ZNF804B: variants seen among roughly 807,000 people sequenced by gnomAD.
ZNF804B encodes zinc finger 804B.
A neutral mutation model predicts 101.4 loss-of-function variants in ZNF804B; 80 were observed. The ratio of observed to expected loss-of-function variants is 0.79; its 90% CI spans 0.66 to 0.95. ZNF804B has a LOEUF of 0.95. ZNF804B is among the 40% of genes least tolerant of loss of function. ZNF804B has a pLI of 0.00. For missense variants in ZNF804B, 1,673 were observed against 1,561.9 expected, an observed-to-expected ratio of 1.07 and a Z score of -1.20; for synonymous variants, 622 against 558.8, an observed-to-expected ratio of 1.11 and a Z score of -1.59.
intron 1 of ZNF804B, among the ~76,000 whole-genome samples, chr7:88,813,127 T>C (rs949861754): frequency 1.8e-4 from 28 of 151,968 alleles, no homozygotes; most frequent in African/African-American, 6.8e-4. Flanking sequence ...TTCCCATAAA[T>C]CTTATATAGA....
At chr7:89,320,373 CA>C (rs1227719690) in intron 2 of ZNF804B, among the ~76,000 whole-genome samples, 2 of 151,504 alleles carry the variant, frequency 1.3e-5, no homozygotes, top group African/African-American at 4.8e-5. Context: ...AACATGGTAT[CA>C]AAGATAAAGA....
chr7:88,797,249 G>A (rs1454530105), intron 1 of ZNF804B, among the ~76,000 whole-genome samples: 1 of 151,882 alleles, frequency 6.6e-6, no homozygotes, highest in Non-Finnish European at 1.5e-5. Flanking sequence ...TATGCCTTAA[G>A]GGTTCTTGAT....
At chr7:89,041,129 G>A (rs1056267184) in intron 1 of ZNF804B, among the ~76,000 whole-genome samples, 3 of 152,088 alleles carry the variant, frequency 2.0e-5, no homozygotes, top group Admixed American at 6.5e-5. Context: ...CTGAAGCATG[G>A]GTCCATGAGG....
intron 1 of ZNF804B, among the ~76,000 whole-genome samples, chr7:89,156,066 T>TCTTTCTC (rs1790966824): frequency 4.5e-5 from 3 of 66,456 alleles, no homozygotes; most frequent in African/African-American, 1.5e-4. Context: ...CTTTCTTTCT[T>TCTTTCTC]TCTTTCTCTC....
chr7:88,794,074 T>A (rs1055927264), intron 1 of ZNF804B: 2 of 824,238 alleles, frequency 2.4e-6, no homozygotes, highest in African/African-American at 3.5e-5. Flanking sequence ...CTGTGTATAT[T>A]GCAATGTTCT....
chr7:89,088,939 C>T (rs1015640962), intron 1 of ZNF804B, among the ~76,000 whole-genome samples: 6 of 151,884 alleles, frequency 4.0e-5, no homozygotes, highest in African/African-American at 1.5e-4. Context: ...CCCAGCAAGG[C>T]TCTCCTTCTT....
chr7:88,948,046 T>C (rs1222524282), intron 1 of ZNF804B, among the ~76,000 whole-genome samples: 1 of 151,942 alleles, frequency 6.6e-6, no homozygotes, highest in African/African-American at 2.4e-5. Context: ...AAATATCTAA[T>C]TAAGTGTCTT....
At chr7:88,912,335 C>G (rs1792560564) in intron 1 of ZNF804B, among the ~76,000 whole-genome samples, 1 of 151,942 alleles carries the variant, frequency 6.6e-6, no homozygotes, top group African/African-American at 2.4e-5. Flanking sequence ...TAGAGAGGTA[C>G]AGGAAATATA....
intron 1 of ZNF804B, among the ~76,000 whole-genome samples, chr7:89,104,144 G>A (rs959003976): frequency 6.6e-6 from 1 of 151,956 alleles, no homozygotes; most frequent in Admixed American, 6.6e-5. Context: ...GTATTTTGTG[G>A]AAGATTTTTG....
Position 89,335,869 on chromosome 7 carries a change from T to G in ZNF804B, c.2887T>G (p.Cys963Gly). The change falls in exon 4 of 4, where the codon TGC (cysteine) becomes GGC (glycine). Residue 963 changes from cysteine to glycine, a missense_variant. Transcript: ENST00000333190. Reference sequence around the variant, plus strand: ...ATTAGAGGCTCCTTCGCAAGTCCCATGCACAATTCAACTTGCACCATCAGG... The same window carrying G: ...ATTAGAGGCTCCTTCGCAAGTCCCAGGCACAATTCAACTTGCACCATCAGG... ...SELEAPSQVP[C>G]TIQLAPSGCN... The G allele has an allele frequency of 6.2e-7, 1 of 1,614,104 alleles. No individual in the cohort carries two copies. The highest frequency in any genetic ancestry group is 8.5e-7 in the Non-Finnish European group (1 of 1,179,980).
intron 1 of ZNF804B, among the ~76,000 whole-genome samples, chr7:89,176,486 T>C (rs1311319023): frequency 2.0e-5 from 3 of 151,740 alleles, no homozygotes; most frequent in South Asian, 2.1e-4. Flanking sequence ...TGTTGTTGAA[T>C]TTATTTTTAA....
At chr7:88,977,113 T>C (rs913743759) in intron 1 of ZNF804B, among the ~76,000 whole-genome samples, 3 of 151,810 alleles carry the variant, frequency 2.0e-5, no homozygotes, top group African/African-American at 4.8e-5. Context: ...ACCTTTTTAA[T>C]GTGTTATTGA....
chr7:88,887,413 T>C (rs140888030), intron 1 of ZNF804B, among the ~76,000 whole-genome samples: 1 of 152,206 alleles, frequency 6.6e-6, no homozygotes, highest in Non-Finnish European at 1.5e-5. Flanking sequence ...GGGTTTTACA[T>C]TTAAGTCTTT....
At chr7:89,068,351 A>G (rs1789486240) in intron 1 of ZNF804B, among the ~76,000 whole-genome samples, 1 of 151,984 alleles carries the variant, frequency 6.6e-6, no homozygotes, top group African/African-American at 2.4e-5. Context: ...CTTAATTAAG[A>G]TGTTTTATTA....
intron 1 of ZNF804B, among the ~76,000 whole-genome samples, chr7:88,899,588 T>C (rs1472063789): frequency 6.6e-6 from 1 of 152,214 alleles, no homozygotes; most frequent in Non-Finnish European, 1.5e-5. Flanking sequence ...GTCTACCCAC[T>C]ACTTTAACAG....
intron 1 of ZNF804B, among the ~76,000 whole-genome samples, chr7:89,062,739 C>T (rs556261796): frequency 6.6e-6 from 1 of 152,196 alleles, no homozygotes; most frequent in South Asian, 2.1e-4. Flanking sequence ...CCAGTCAACT[C>T]ATGCTTTTAT....
intron 2 of ZNF804B, among the ~76,000 whole-genome samples, chr7:89,321,743 C>T (rs1163551078): frequency 6.7e-6 from 1 of 149,990 alleles, no homozygotes; most frequent in Non-Finnish European, 1.5e-5. Context: ...TAAATAAATA[C>T]CTAAATTAAA....
intron 1 of ZNF804B, among the ~76,000 whole-genome samples, chr7:89,181,008 G>A (rs1478540040): frequency 6.6e-6 from 1 of 151,266 alleles, no homozygotes; most frequent in Non-Finnish European, 1.5e-5. Context: ...TCTGAAATGG[G>A]GGCCTTAAAA....
intron 1 of ZNF804B, among the ~76,000 whole-genome samples, chr7:88,909,666 C>T (rs1471929050): frequency 6.6e-6 from 1 of 151,650 alleles, no homozygotes; most frequent in Non-Finnish European, 1.5e-5. Flanking sequence ...TTCTTGATTG[C>T]CTTGTTAATG....
Sources: gnomAD v4.1 joint callset for allele counts (sites outside exome capture counted in the v4.1 genomes callset) on GRCh38, gnomAD v4.1.1 for gene constraint, MANE v1.5 for transcripts, NCBI Gene and HGNC (gene_info 2026-07-23, HGNC 2026-07-21) for gene names.